The following GPC3 variants were observed in gnomAD, a reference collection of about 807,000 sequenced individuals.
The protein encoded by GPC3 is glypican-3.
In GPC3, 3 loss-of-function variants were observed where a neutral mutation model predicts 34.4. The observed-to-expected ratio is 0.09, with a 90% CI of 0.04 to 0.23. The LOEUF (loss-of-function observed/expected upper bound fraction) is 0.23. GPC3 is among the 10% of genes least tolerant of loss of function. The pLI is 1.00. For missense variants in GPC3, 351 were observed against 445.6 expected, an observed-to-expected ratio of 0.79 and a Z score of 1.91; for synonymous variants, 177 against 174.0, an observed-to-expected ratio of 1.02 and a Z score of -0.13.
In GPC3 at chrX:133,622,376, T is replaced by C. The variant is rs761452201; in HGVS notation, c.1414-25777A>G. ...CAAACTTCTCTGAGCTAAAGGAGGATATTCAAGCCCATCGCAAAGAAGCTG... is the reference window on the plus strand; with the variant it reads ...CAAACTTCTCTGAGCTAAAGGAGGACATTCAAGCCCATCGCAAAGAAGCTG... On this transcript the variant is annotated intron_variant, in intron 6 of 7. Coordinates refer to ENST00000370818, the MANE Select transcript of GPC3 (RefSeq NM_004484.4). Among the ~76,000 whole-genome samples the C allele has an allele frequency of 2.8e-4, 31 of 111,917 alleles. No individual in the cohort carries two copies. The South Asian group carries it at 6.8e-3, about 25-fold the overall frequency.
intron 7 of GPC3, among the ~76,000 whole-genome samples, chrX:133,577,975 T>G (rs1281370632): frequency 8.9e-6 from 1 of 112,004 alleles, no homozygotes; most frequent in African/African-American, 3.2e-5. Flanking sequence ...TACCCCTCTG[T>G]GTATCTTCTT....
intron 7 of GPC3, among the ~76,000 whole-genome samples, chrX:133,566,611 A>T (rs1007591502): frequency 8.9e-6 from 1 of 112,077 alleles, no homozygotes; most frequent in Non-Finnish European, 1.9e-5. Flanking sequence ...AGAGTATCAC[A>T]TTGAACATAA....
chrX:133,578,028 G>T (rs915410308), intron 7 of GPC3, among the ~76,000 whole-genome samples: 1 of 112,070 alleles, frequency 8.9e-6, no homozygotes, highest in African/African-American at 3.2e-5. Context: ...ACACCACAGC[G>T]TTGCTGGGAG....
At chrX:133,621,637 T>C (rs1004957467) in intron 6 of GPC3, among the ~76,000 whole-genome samples, 2 of 111,708 alleles carry the variant, frequency 1.8e-5, no homozygotes, top group African/African-American at 6.5e-5. Flanking sequence ...CTTGACTAGG[T>C]AAACAAAGCG....
At chrX:133,975,261 A>T (rs891909162) in intron 1 of GPC3, among the ~76,000 whole-genome samples, 6 of 112,029 alleles carry the variant, frequency 5.4e-5, no homozygotes, top group Non-Finnish European at 9.4e-5. Flanking sequence ...GCTCCTCATC[A>T]TCCTTGGGTA....
chrX:133,956,200 T>G (rs867898997), intron 1 of GPC3, among the ~76,000 whole-genome samples: 5 of 112,086 alleles, frequency 4.5e-5, no homozygotes, highest in African/African-American at 9.7e-5. Context: ...AAAATACCAT[T>G]TGGGGTCTGC....
chrX:133,643,850 C>T (rs747832270), intron 6 of GPC3, among the ~76,000 whole-genome samples: 62 of 92,955 alleles, frequency 6.7e-4, no homozygotes, highest in African/African-American at 2.9e-3. Context: ...TTTTTTGAGA[C>T]GGGGTTTTGC....
intron 2 of GPC3, among the ~76,000 whole-genome samples, chrX:133,832,018 C>T (rs1485001378): frequency 2.7e-5 from 3 of 112,046 alleles, no homozygotes; most frequent in African/African-American, 6.5e-5. Context: ...CAGGGAGGCT[C>T]ACACCTGTAA....
intron 1 of GPC3, among the ~76,000 whole-genome samples, chrX:133,957,287 A>G (rs1216280955): frequency 8.9e-6 from 1 of 112,376 alleles, no homozygotes; most frequent in Non-Finnish European, 1.9e-5. Flanking sequence ...AAGGAGAGAA[A>G]TACATGCCAA....
intron 2 of GPC3, among the ~76,000 whole-genome samples, chrX:133,903,163 A>T (rs757690993): frequency 9.0e-6 from 1 of 110,823 alleles, no homozygotes; most frequent in South Asian, 3.9e-4. Context: ...AAAAAAAAAA[A>T]ATCACCCATT....
chrX:133,766,070 G>C (rs999995450), intron 2 of GPC3, among the ~76,000 whole-genome samples: 6 of 111,511 alleles, frequency 5.4e-5, no homozygotes, highest in African/African-American at 2.0e-4. Context: ...AAGCCCCAAA[G>C]GCTTGGGCTA....
In GPC3 at chrX:133,648,885, T is replaced by C. The variant is rs183846241; in HGVS notation, c.1413+12845A>G. ...GGCTGGCTTAAAGGCTACCTCCTAT[T>C]TTTAAAGTCTTGTCTAATTCCCTCG... On this transcript the variant is annotated intron_variant, in intron 6 of 7. Coordinates refer to ENST00000370818, the MANE Select transcript of GPC3 (RefSeq NM_004484.4). 4.3e-3 allele frequency among the ~76,000 whole-genome samples: 481 copies of C among 112,325 alleles called. 3 individuals are homozygous for C. The highest frequency in any genetic ancestry group is 0.019 in the Middle Eastern group (4 of 216).
At chrX:133,603,179 A>G (rs1023410685) in intron 6 of GPC3, among the ~76,000 whole-genome samples, 5 of 109,641 alleles carry the variant, frequency 4.6e-5, no homozygotes, top group African/African-American at 1.7e-4. Context: ...CCCTGGCCCA[A>G]TTCACTCACT....
intron 2 of GPC3, among the ~76,000 whole-genome samples, chrX:133,867,863 A>G (rs1298682406): frequency 9.3e-6 from 1 of 107,650 alleles, no homozygotes; most frequent in African/African-American, 3.4e-5. Context: ...AGGAACATCT[A>G]AACGCCAAGA....
At chrX:133,696,797 T>A (rs1316315105) in intron 4 of GPC3, among the ~76,000 whole-genome samples, 2 of 112,801 alleles carry the variant, frequency 1.8e-5, no homozygotes, top group Non-Finnish European at 3.7e-5. Flanking sequence ...TTCTAATACA[T>A]AAATGTCAAA....
chrX:133,876,704 G>T (rs993723169), intron 2 of GPC3, among the ~76,000 whole-genome samples: 13 of 112,084 alleles, frequency 1.2e-4, no homozygotes, highest in African/African-American at 4.2e-4. Flanking sequence ...TACTAATGTG[G>T]TTAGTCCTTT....
chrX:133,923,654 C>T (rs769305399), intron 2 of GPC3, among the ~76,000 whole-genome samples: 28 of 112,422 alleles, frequency 2.5e-4, no homozygotes, highest in Non-Finnish European at 3.9e-4. Context: ...GAGGACCACC[C>T]TGAACAGCAT....
chrX:133,767,864 A>G (rs1048114732), intron 2 of GPC3, among the ~76,000 whole-genome samples: 5 of 107,792 alleles, frequency 4.6e-5, no homozygotes, highest in African/African-American at 1.7e-4. Context: ...CTGCTCTTAT[A>G]TTCTATAAAC....
intron 2 of GPC3, among the ~76,000 whole-genome samples, chrX:133,835,188 T>C (rs1188735043): frequency 1.8e-5 from 2 of 112,310 alleles, no homozygotes; most frequent in Admixed American, 9.4e-5. Context: ...TTTGTAACAA[T>C]TGGCCCACAT....
Sources: gnomAD v4.1 joint callset for allele counts (sites outside exome capture counted in the v4.1 genomes callset) on GRCh38, gnomAD v4.1.1 for gene constraint, MANE v1.5 for transcripts, NCBI Gene and HGNC (gene_info 2026-07-23, HGNC 2026-07-21) for gene names.